The following GBE1 variants were observed in gnomAD, a reference collection of about 807,000 sequenced individuals.
The protein encoded by GBE1 is 1,4-alpha-glucan-branching enzyme.
Under a neutral mutation model 88.8 loss-of-function variants are expected in GBE1, and 70 were observed. The ratio of observed to expected loss-of-function variants is 0.79; its 90% CI spans 0.65 to 0.96. The LOEUF (loss-of-function observed/expected upper bound fraction) is 0.96, where lower values mean the gene tolerates loss of function less well. GBE1 is among the 40% of genes least tolerant of loss of function. The pLI, the probability that GBE1 is intolerant of heterozygous loss-of-function variation, is 0.00. For synonymous variants in GBE1, 284 were observed against 300.1 expected (o/e 0.95, Z 0.56); for missense variants, 872 against 871.0 (o/e 1.00, Z -0.01).
intron 1 of GBE1, among the ~76,000 whole-genome samples, chr3:81,737,413 T>TTATATAAATATATTTATA (rs1706281545): frequency 2.0e-5 from 1 of 49,446 alleles, no homozygotes; most frequent in African/African-American, 5.8e-5. Flanking sequence ...TTTTATATAT[T>TTATATAAATATATTTATA]TATATAAATA....
intron 11 of GBE1, 64 bp downstream of exon 11, chr3:81,581,101 A>G: frequency 2.3e-6 from 2 of 887,814 alleles, no homozygotes; most frequent in Non-Finnish European, 3.6e-6. Flanking sequence ...ATATGTTATT[A>G]AGGAGAGGGA....
rs1363128759 is a variant in GBE1, at chr3:81,535,422, C to CA, written c.1804-98dup. The CA allele has an allele frequency of 2.7e-6, 3 of 1,129,480 alleles. No homozygotes were observed. In the Admixed American group the frequency reaches 8.4e-5, roughly 32 times the overall value. The allele number at this position is 1,129,480 out of a possible 1,614,324, so 70.0% of individuals were successfully genotyped here. A position where few individuals can be genotyped will look rare whatever the true frequency, so the allele number is the denominator to read the frequency against. ...TTTCTTAATAGTCTGGTTATTAAACCAAAAATGAGTATTTCAGAACACTAT... is the reference window on the plus strand; with the variant it reads ...TTTCTTAATAGTCTGGTTATTAAACCAAAAAATGAGTATTTCAGAACACTAT... On this transcript the variant is annotated intron_variant, in intron 13 of 15. Transcript: ENST00000429644.
chr3:81,567,834 A>G (rs997176121), intron 12 of GBE1, among the ~76,000 whole-genome samples: 5 of 152,156 alleles, frequency 3.3e-5, no homozygotes, highest in Non-Finnish European at 7.4e-5. Flanking sequence ...AAAAGCAACA[A>G]AGGTTATCTT....
chr3:81,736,502 T>A (rs1706259075), intron 1 of GBE1, among the ~76,000 whole-genome samples: 1 of 152,176 alleles, frequency 6.6e-6, no homozygotes, highest in Non-Finnish European at 1.5e-5. Flanking sequence ...CTTAGTCTAC[T>A]TAGAATTCAA....
chr3:81,581,555 T>C (rs1359340790), intron 10 of GBE1, among the ~76,000 whole-genome samples: 2 of 152,020 alleles, frequency 1.3e-5, no homozygotes, highest in Admixed American at 1.3e-4. Flanking sequence ...TCTTTGCAAC[T>C]ATTTTTCTGT....
intron 12 of GBE1, among the ~76,000 whole-genome samples, chr3:81,545,396 C>T (rs954540476): frequency 6.6e-6 from 1 of 152,076 alleles, no homozygotes; most frequent in African/African-American, 2.4e-5. Flanking sequence ...ACGTTTTCCT[C>T]TATAATTATT....
intron 11 of GBE1, among the ~76,000 whole-genome samples, chr3:81,580,083 A>G (rs886344685): frequency 6.6e-6 from 1 of 152,158 alleles, no homozygotes; most frequent in Non-Finnish European, 1.5e-5. Context: ...TAAATGGCCA[A>G]TTTCTGCAAA....
intron 8 of GBE1, among the ~76,000 whole-genome samples, chr3:81,592,679 C>A (rs1056378712): frequency 6.6e-6 from 1 of 151,664 alleles, no homozygotes; most frequent in Non-Finnish European, 1.5e-5. Context: ...AAAAGCACAT[C>A]CCATATCCAT....
intron 2 of GBE1, among the ~76,000 whole-genome samples, chr3:81,683,000 ATAT>A (rs1221628518): frequency 2.0e-5 from 3 of 152,158 alleles, no homozygotes; most frequent in African/African-American, 7.2e-5. Context: ...AAAAAAACAC[ATAT>A]TATATGATAC....
At chr3:81,622,437 T>C (rs1478446306) in intron 7 of GBE1, among the ~76,000 whole-genome samples, 2 of 152,156 alleles carry the variant, frequency 1.3e-5, no homozygotes, top group African/African-American at 4.8e-5. Flanking sequence ...TATGTTAGAG[T>C]AACTTGGAGC....
intron 12 of GBE1, among the ~76,000 whole-genome samples, chr3:81,566,893 C>G (rs1298722469): frequency 6.6e-6 from 1 of 152,094 alleles, no homozygotes; most frequent in Non-Finnish European, 1.5e-5. Flanking sequence ...TGATCTTGCT[C>G]TCACCACGGA....
rs1559708243 is a variant in GBE1 at position 81,750,525 on chromosome 3, A to ATATATATATATG, written c.143+10849_143+10850insCATATATATATA. Among the ~76,000 whole-genome samples, 52 of 80,738 alleles carry ATATATATATATG rather than the reference A, an allele frequency of 6.4e-4. 2 individuals carry two copies. The East Asian group carries it at 0.027, about 41-fold the overall frequency. 53.0% of individuals were successfully genotyped at this position (80,738 alleles called of 152,430 possible). On this transcript the variant is annotated intron_variant, in intron 1 of 15. Coordinates refer to ENST00000429644, the MANE Select transcript of GBE1 (RefSeq NM_000158.4). ...AAACCAATTTCATCTCAAAACATTC[A>ATATATATATATG]TATATATATATACGTATATATATAT... is the stretch of plus-strand genomic sequence containing the variant.
chr3:81,602,734 A>T (rs1000833759), intron 7 of GBE1, among the ~76,000 whole-genome samples: 5 of 152,232 alleles, frequency 3.3e-5, no homozygotes, highest in South Asian at 2.1e-4. Context: ...GAGGATGAAG[A>T]AATAAGAAGA....
At chr3:81,750,559 ATATG>A (rs1706487605) in intron 1 of GBE1, among the ~76,000 whole-genome samples, 3 of 83,890 alleles carry the variant, frequency 3.6e-5, no homozygotes, top group African/African-American at 1.8e-4. Context: ...ATGTATATAT[ATATG>A]TATATATATA....
intron 10 of GBE1, among the ~76,000 whole-genome samples, chr3:81,585,049 G>A (rs955211606): frequency 6.6e-6 from 1 of 151,916 alleles, no homozygotes; most frequent in Non-Finnish European, 1.5e-5. Flanking sequence ...ACAAATACAA[G>A]GCTACGTTCC....
intron 1 of GBE1, among the ~76,000 whole-genome samples, chr3:81,746,107 TA>T: frequency 1.3e-5 from 2 of 152,318 alleles, no homozygotes; most frequent in South Asian, 4.1e-4. Flanking sequence ...TTAAGTCAAA[TA>T]AACAGACAAA....
At chr3:81,677,457 A>G (rs1439702968) in intron 2 of GBE1, among the ~76,000 whole-genome samples, 1 of 152,228 alleles carries the variant, frequency 6.6e-6, no homozygotes, top group Non-Finnish European at 1.5e-5. Context: ...TCCTCATCAT[A>G]TGATGTCATT....
chr3:81,593,478 T>A (rs1331279461), intron 8 of GBE1, among the ~76,000 whole-genome samples: 1 of 151,348 alleles, frequency 6.6e-6, no homozygotes, highest in Non-Finnish European at 1.5e-5. Context: ...GAGAGTCTGA[T>A]AAATATTTTT....
At chr3:81,664,680 A>G (rs1485702880) in intron 3 of GBE1, among the ~76,000 whole-genome samples, 2 of 152,232 alleles carry the variant, frequency 1.3e-5, no homozygotes. Context: ...TGTGTTCATG[A>G]GATTGCTTAT....
Sources: gnomAD v4.1 joint callset for allele counts (sites outside exome capture counted in the v4.1 genomes callset) on GRCh38, gnomAD v4.1.1 for gene constraint, MANE v1.5 for transcripts, NCBI Gene and HGNC (gene_info 2026-07-23, HGNC 2026-07-21) for gene names.